Variants in TBC1D8 observed in about 807,000 individuals in gnomAD.
The protein encoded by TBC1D8 is BUB2-like protein 1.
Under a neutral mutation model 118.8 loss-of-function variants are expected in TBC1D8, and 65 were observed. The ratio of observed to expected loss-of-function variants is 0.55; its 90% CI spans 0.45 to 0.67. The LOEUF (loss-of-function observed/expected upper bound fraction) is 0.67. Ranked by LOEUF, TBC1D8 falls within the 30% of genes least tolerant of loss-of-function variation. TBC1D8 has a pLI of 0.00. For missense variants in TBC1D8, 1,376 were observed against 1,471.2 expected (o/e 0.94, Z 1.06); for synonymous variants, 566 against 595.8 (o/e 0.95, Z 0.73).
chr2:101,111,927 A>C (rs2104210570), intron 1 of TBC1D8, among the ~76,000 whole-genome samples: 1 of 152,304 alleles, frequency 6.6e-6, no homozygotes, highest in East Asian at 1.9e-4. Context: ...AAAAAAAAAA[A>C]AAAAACCTGT....
intron 1 of TBC1D8, among the ~76,000 whole-genome samples, chr2:101,110,538 A>G (rs985475863): frequency 6.6e-6 from 1 of 152,112 alleles, no homozygotes; most frequent in Non-Finnish European, 1.5e-5. Flanking sequence ...CACTATACAC[A>G]AGCCGTTAAA....
chr2:101,082,612 A>T (rs1357026779), intron 2 of TBC1D8, among the ~76,000 whole-genome samples: 1 of 152,226 alleles, frequency 6.6e-6, no homozygotes, highest in African/African-American at 2.4e-5. Flanking sequence ...GGACTTTCTG[A>T]CACCCACTGC....
rs1402721739 is a variant in TBC1D8, at chr2:101,059,673, GC to G, written c.284-135del. 4.3e-6 allele frequency: 3 copies of G among 694,016 alleles called. No individual in the cohort carries two copies. In the African/African-American group the frequency reaches 5.4e-5, roughly 13 times the overall value. 43.0% of individuals were successfully genotyped at this position (694,016 alleles called of 1,614,324 possible). On this transcript the variant is annotated intron_variant, in intron 2 of 19. Coordinates refer to ENST00000409318, the MANE Select transcript of TBC1D8 (RefSeq NM_001330348.2). ...CATCTGGCCTTGGCCAGGCGCAGTGGCTCACGCCTGTAATCCCAGGACTTTG... is the reference window on the plus strand; with the variant it reads ...CATCTGGCCTTGGCCAGGCGCAGTGGTCACGCCTGTAATCCCAGGACTTTG...
Position 101,016,762 on chromosome 2 carries a change from A to G in TBC1D8, c.2827+4919T>C, listed in dbSNP as rs1220186056. On this transcript the variant is annotated intron_variant, in intron 17 of 19. Coordinates refer to ENST00000409318, the MANE Select transcript of TBC1D8 (RefSeq NM_001330348.2). ...TGCAGCCATAAAAAATGATGAGTTC[A>G]TGTCCTTTGTAGGGACATGGATGAA... 1.8e-4 allele frequency among the ~76,000 whole-genome samples: 27 copies of G among 152,334 alleles called. No individual in the cohort carries two copies. In the East Asian group the frequency reaches 5.0e-3, roughly 28 times the overall value.
Position 101,081,559 on chromosome 2 carries a change from G to A in TBC1D8, c.283+8650C>T, listed in dbSNP as rs139088430. On this transcript the variant is annotated intron_variant, in intron 2 of 19. Transcript: ENST00000409318. Reference sequence around the variant, plus strand: ...CAAGTTTTTCATGAAAGGCAACCCTGAAGTGGGCCCCCTGGGACCCTCCCC... The same window carrying A: ...CAAGTTTTTCATGAAAGGCAACCCTAAAGTGGGCCCCCTGGGACCCTCCCC... 2.8e-3 allele frequency among the ~76,000 whole-genome samples: 423 copies of A among 152,264 alleles called. 4 individuals are homozygous for A. Among genetic ancestry groups the A allele is most frequent in the African/African-American group, 9.7e-3 (403 of 41,572 alleles).
chr2:101,035,693 A>AG (rs1680963079), intron 9 of TBC1D8, among the ~76,000 whole-genome samples: 1 of 152,152 alleles, frequency 6.6e-6, no homozygotes, highest in African/African-American at 2.4e-5. Flanking sequence ...CACACACTAT[A>AG]GACACTTCAC....
chr2:101,011,991 C>T (rs182889682), intron 17 of TBC1D8, among the ~76,000 whole-genome samples: 10 of 152,248 alleles, frequency 6.6e-5, no homozygotes, highest in African/African-American at 2.4e-4. Context: ...TACTGCTGTA[C>T]TTACACGATT....
chr2:101,063,168 G>GGTA (rs1405710030), intron 2 of TBC1D8, among the ~76,000 whole-genome samples: 3 of 152,250 alleles, frequency 2.0e-5, no homozygotes, highest in Admixed American at 2.0e-4. Flanking sequence ...AACCGCATGC[G>GGTA]TCTTCCTCAA....
intron 1 of TBC1D8, among the ~76,000 whole-genome samples, chr2:101,096,440 A>AC (rs1281055690): frequency 3.3e-5 from 5 of 150,554 alleles, no homozygotes; most frequent in African/African-American, 9.7e-5. Context: ...AAAAAAAAAA[A>AC]AAAAAAACTA....
chr2:101,090,114 A>G (rs751974805), intron 2 of TBC1D8, 95 bp downstream of exon 2: 7 of 1,380,338 alleles, frequency 5.1e-6, no homozygotes, highest in Non-Finnish European at 6.9e-6. Flanking sequence ...TGAGGGAGTT[A>G]TCCAAAGGGG....
At chr2:101,094,870 C>T (rs999175880) in intron 1 of TBC1D8, among the ~76,000 whole-genome samples, 2 of 152,122 alleles carry the variant, frequency 1.3e-5, no homozygotes, top group African/African-American at 4.8e-5. Flanking sequence ...ATTCAGAGAA[C>T]GAAGGGCATA....
chr2:101,056,781 C>T (rs1200005391), intron 3 of TBC1D8, among the ~76,000 whole-genome samples: 1 of 152,178 alleles, frequency 6.6e-6, no homozygotes, highest in African/African-American at 2.4e-5. Context: ...GCTCCTGATG[C>T]AGGCATGAGG....
intron 3 of TBC1D8, among the ~76,000 whole-genome samples, chr2:101,058,125 G>A (rs1682544897): frequency 6.6e-6 from 1 of 152,186 alleles, no homozygotes; most frequent in Non-Finnish European, 1.5e-5. Flanking sequence ...CCAGGGAAGT[G>A]AGCCACAGTT....
intron 3 of TBC1D8, among the ~76,000 whole-genome samples, chr2:101,055,030 G>C (rs1682338163): frequency 6.6e-6 from 1 of 152,006 alleles, no homozygotes; most frequent in African/African-American, 2.4e-5. Context: ...GAGGGTAAAA[G>C]GACTGGCTCA....
At chr2:101,137,315 G>C (rs551015095) in intron 1 of TBC1D8, among the ~76,000 whole-genome samples, 3 of 147,524 alleles carry the variant, frequency 2.0e-5, no homozygotes, top group South Asian at 2.2e-4. Context: ...TTACAGGCGT[G>C]AGCCACCACG....
At chr2:101,016,573 G>T (rs1679652341) in intron 17 of TBC1D8, among the ~76,000 whole-genome samples, 1 of 151,960 alleles carries the variant, frequency 6.6e-6, no homozygotes, top group Admixed American at 6.5e-5. Context: ...CCCATTACTG[G>T]GTATACACCC....
chr2:101,023,100 G>A (rs112237393), intron 15 of TBC1D8, among the ~76,000 whole-genome samples: 8,017 of 149,364 alleles, frequency 0.054, 720 homozygotes, highest in African/African-American at 0.19. Context: ...AGCCGAGATC[G>A]CGCCACTGCA....
chr2:101,011,559 G>A lies in TBC1D8; in HGVS notation c.2828-19C>T. ...GTGAGTGCTTAAAAAAAGATGAGAG[G>A]TTTAAATTAAACAAATTTTCTGCCT... is the stretch of plus-strand genomic sequence containing the variant. On this transcript the variant is annotated intron_variant, in intron 17 of 19. Transcript: ENST00000409318. 1 of 1,612,972 alleles carries A rather than the reference G, an allele frequency of 6.2e-7. No individual in the cohort carries two copies. The highest frequency in any genetic ancestry group is 8.5e-7 in the Non-Finnish European group (1 of 1,179,160).
Position 101,007,797 on chromosome 2 carries a change from G to T in TBC1D8, c.*24C>A. 1 of 1,604,740 alleles carries T rather than the reference G, an allele frequency of 6.2e-7. No homozygotes were observed. Among genetic ancestry groups the T allele is most frequent in the Non-Finnish European group, 8.5e-7 (1 of 1,173,768 alleles). On this transcript the variant is annotated 3_prime_UTR_variant, in exon 20 of 20. Transcript: ENST00000409318. ...TCGTGCTTTGGTATGGTGGACTCCA[G>T]TGTGCATAGCAGCTGCTGTCTTGCT...
Sources: gnomAD v4.1 joint callset for allele counts (sites outside exome capture counted in the v4.1 genomes callset) on GRCh38, gnomAD v4.1.1 for gene constraint, MANE v1.5 for transcripts, NCBI Gene and HGNC (gene_info 2026-07-23, HGNC 2026-07-21) for gene names.